NEDD4: variants seen among roughly 807,000 people sequenced by gnomAD.
The protein encoded by NEDD4 is E3 ubiquitin-protein ligase NEDD4.
In NEDD4, 99 loss-of-function variants were observed where a neutral mutation model predicts 144.9. The ratio of observed to expected loss-of-function variants is 0.68; its 90% confidence interval spans 0.58 to 0.81. The LOEUF (loss-of-function observed/expected upper bound fraction) is 0.81. Among genes scored for constraint, NEDD4 ranks in the 30% least tolerant of loss-of-function variants. The pLI is 0.00. For synonymous variants in NEDD4, 318 were observed against 350.6 expected (o/e 0.91, Z 1.04); for missense variants, 985 against 1,065.9 (o/e 0.92, Z 1.06).
At chr15:55,942,976 C>G (rs62045168) in intron 4 of NEDD4, among the ~76,000 whole-genome samples, 12,500 of 152,194 alleles carry the variant, frequency 0.082, 591 homozygotes, top group Admixed American at 0.12. Context: ...AATAAAGGTC[C>G]CTCTTGCTAT....
chr15:55,970,822 C>A (rs1479062867), intron 1 of NEDD4, among the ~76,000 whole-genome samples: 1 of 152,194 alleles, frequency 6.6e-6, no homozygotes, highest in Non-Finnish European at 1.5e-5. Flanking sequence ...AGGATGGGTA[C>A]AAACCAGCCC....
intron 4 of NEDD4, chr15:55,934,841 T>G (rs1244934060): frequency 1.4e-5 from 2 of 147,726 alleles, no homozygotes; most frequent in Non-Finnish European, 3.0e-5. Context: ...AATAATATAT[T>G]CCTATATACA....
intron 5 of NEDD4, among the ~76,000 whole-genome samples, chr15:55,882,219 G>A (rs1172879742): frequency 6.6e-6 from 1 of 152,188 alleles, no homozygotes; most frequent in African/African-American, 2.4e-5. Context: ...AAAATCAGGT[G>A]AGCAATCACA....
At chr15:55,904,460 G>A (rs796631890) in intron 5 of NEDD4, among the ~76,000 whole-genome samples, 20 of 151,918 alleles carry the variant, frequency 1.3e-4, no homozygotes, top group African/African-American at 4.6e-4. Context: ...GCACCAACAC[G>A]CCTGGCTAAT....
chr15:55,955,361 A>G (rs111889278), intron 2 of NEDD4, among the ~76,000 whole-genome samples: 4,435 of 152,212 alleles, frequency 0.029, 73 homozygotes, highest in Non-Finnish European at 0.035. Flanking sequence ...AATTGCACAT[A>G]CATTAATGTT....
At chr15:55,903,714 A>G (rs2035985973) in intron 5 of NEDD4, among the ~76,000 whole-genome samples, 1 of 151,274 alleles carries the variant, frequency 6.6e-6, no homozygotes, top group Non-Finnish European at 1.5e-5. Flanking sequence ...AGTCCCAGCT[A>G]CTCGGGAGGC....
At chr15:55,928,804 C>T (rs2036724970) in intron 4 of NEDD4, among the ~76,000 whole-genome samples, 1 of 152,122 alleles carries the variant, frequency 6.6e-6, no homozygotes, top group Non-Finnish European at 1.5e-5. Context: ...TGATATCTCC[C>T]TACTGAGTTA....
At chr15:55,933,441 A>C (rs1462178196) in intron 4 of NEDD4, among the ~76,000 whole-genome samples, 1 of 149,898 alleles carries the variant, frequency 6.7e-6, no homozygotes, top group Non-Finnish European at 1.5e-5. Context: ...AGAAAACCAA[A>C]CACCGCATGT....
chr15:55,846,819 A>T (rs1469937608), intron 18 of NEDD4, 150 bp downstream of exon 18: 1 of 489,040 alleles, frequency 2.0e-6, no homozygotes, highest in African/African-American at 2.0e-5. Flanking sequence ...TATCACAGCT[A>T]CTCAAAAAAT....
chr15:55,874,442 A>C (rs1327251152), intron 5 of NEDD4, among the ~76,000 whole-genome samples: 2 of 152,136 alleles, frequency 1.3e-5, no homozygotes, highest in African/African-American at 4.8e-5. Context: ...AGGAGTCAGA[A>C]GGCCTAGTTT....
chr15:55,846,932 T>G, intron 18 of NEDD4, 37 bp downstream of exon 18: 1 of 1,250,340 alleles, frequency 8.0e-7, no homozygotes, highest in South Asian at 1.3e-5. Context: ...ATCTATATAT[T>G]GATGACTCTT....
intron 5 of NEDD4, among the ~76,000 whole-genome samples, chr15:55,878,035 C>A (rs1301487178): frequency 6.6e-6 from 1 of 152,014 alleles, no homozygotes; most frequent in Non-Finnish European, 1.5e-5. Flanking sequence ...TCCAGAGAAC[C>A]CTGATAAATT....
intron 7 of NEDD4, 82 bp from the exon 8 acceptor site, chr15:55,869,763 A>T (rs2034709065): frequency 3.4e-6 from 3 of 872,234 alleles, no homozygotes; most frequent in Non-Finnish European, 5.4e-6. Context: ...ATGAACACCC[A>T]CTAGGTACCA....
At chr15:55,900,889 T>G (rs546137492) in intron 5 of NEDD4, among the ~76,000 whole-genome samples, 1 of 152,142 alleles carries the variant, frequency 6.6e-6, no homozygotes, top group African/African-American at 2.4e-5. Context: ...GGCAAAAACA[T>G]TGATGACAGC....
chr15:55,940,518 T>TTCTCTCCCTCTCTCTCTCTCTCTCTCTC (rs2036979061), intron 4 of NEDD4, among the ~76,000 whole-genome samples: 1 of 106,192 alleles, frequency 9.4e-6, no homozygotes, highest in Admixed American at 9.6e-5. Context: ...CTCCTCCCCC[T>TTCTCTCCCTCTCTCTCTCTCTCTCTCTC]TCTCTCTCTC....
At chr15:55,920,395 T>G (rs1181162440) in intron 5 of NEDD4, among the ~76,000 whole-genome samples, 2 of 152,150 alleles carry the variant, frequency 1.3e-5, no homozygotes, top group Non-Finnish European at 2.9e-5. Context: ...GTGTATATCT[T>G]AGACTGGTGA....
chr15:55,972,211 A>G (rs1461332099), intron 1 of NEDD4, among the ~76,000 whole-genome samples: 1 of 152,222 alleles, frequency 6.6e-6, no homozygotes, highest in Non-Finnish European at 1.5e-5. Flanking sequence ...AAAAGTAAGT[A>G]CACAGACAAA....
At chr15:55,834,378 T>A (rs1400521913) in intron 24 of NEDD4, 92 bp from the exon 25 acceptor site, 1 of 740,622 alleles carries the variant, frequency 1.4e-6, no homozygotes, top group Non-Finnish European at 2.3e-6. Flanking sequence ...GAATCCCACA[T>A]CCACACAAGT....
intron 18 of NEDD4, among the ~76,000 whole-genome samples, chr15:55,843,947 G>T (rs1284959127): frequency 6.6e-6 from 1 of 152,154 alleles, no homozygotes; most frequent in East Asian, 1.9e-4. Context: ...TGGCGTATAT[G>T]TGAAAAACAA....
Sources: gnomAD v4.1 joint callset for allele counts (sites outside exome capture counted in the v4.1 genomes callset) on GRCh38, gnomAD v4.1.1 for gene constraint, MANE v1.5 for transcripts, NCBI Gene and HGNC (gene_info 2026-07-23, HGNC 2026-07-21) for gene names.